LRMDA: variants seen among roughly 807,000 people sequenced by gnomAD.
LRMDA encodes leucine rich melanocyte differentiation associated.
LRMDA carries 18 observed loss-of-function variants against 29.8 expected under a neutral mutation model. The ratio of observed to expected loss-of-function variants is 0.60; its 90% CI spans 0.42 to 0.90. The LOEUF (loss-of-function observed/expected upper bound fraction) is 0.90. Ranked by LOEUF, LRMDA falls within the 40% of genes least tolerant of loss-of-function variation. The pLI, the probability that LRMDA is intolerant of heterozygous loss-of-function variation, is 0.00. For missense variants in LRMDA, 273 were observed against 273.9 expected, an observed-to-expected ratio of 1.00 and a Z score of 0.02; for synonymous variants, 125 against 109.4, an observed-to-expected ratio of 1.14 and a Z score of -0.89.
At chr10:76,071,766 A>T (rs1848880016) in intron 5 of LRMDA, among the ~76,000 whole-genome samples, 1 of 152,218 alleles carries the variant, frequency 6.6e-6, no homozygotes. Flanking sequence ...AAAGTGATTT[A>T]TGAGTGTGGT....
rs1843335158 is a variant in LRMDA at position 75,778,030 on chromosome 10, C to T, written c.132-257978C>T. 2.6e-5 allele frequency among the ~76,000 whole-genome samples: 4 copies of T among 151,910 alleles called. No individual in the cohort carries two copies. The South Asian group carries it at 8.3e-4, about 32-fold the overall frequency. On this transcript the variant is annotated intron_variant, in intron 2 of 6. Transcript: ENST00000611255. ...AATCTGATTCATTTCTGGGGAGATCCACCCTAGCCCCAGAGTAGAGATGAA... is the reference window on the plus strand; with the variant it reads ...AATCTGATTCATTTCTGGGGAGATCTACCCTAGCCCCAGAGTAGAGATGAA...
intron 6 of LRMDA, among the ~76,000 whole-genome samples, chr10:76,448,492 C>T (rs959437302): frequency 2.6e-5 from 4 of 152,124 alleles, no homozygotes; most frequent in Non-Finnish European, 4.4e-5. Context: ...CCAATGGTAG[C>T]GTAATCATTC....
intron 6 of LRMDA, among the ~76,000 whole-genome samples, chr10:76,506,551 G>A (rs1411484433): frequency 6.6e-6 from 1 of 151,924 alleles, no homozygotes; most frequent in African/African-American, 2.4e-5. Context: ...GCAGCTATCT[G>A]CTATCAAACA....
intron 6 of LRMDA, among the ~76,000 whole-genome samples, chr10:76,389,713 G>T (rs1841700695): frequency 6.7e-6 from 1 of 150,374 alleles, no homozygotes. Context: ...TCATATAAAT[G>T]AAATTAATAT....
intron 5 of LRMDA, among the ~76,000 whole-genome samples, chr10:76,159,240 T>G (rs1164031973): frequency 6.6e-6 from 1 of 152,190 alleles, no homozygotes; most frequent in East Asian, 1.9e-4. Flanking sequence ...GTATGGACCA[T>G]GTTTGGACCC....
intron 5 of LRMDA, among the ~76,000 whole-genome samples, chr10:76,212,308 G>A (rs770795426): frequency 6.7e-6 from 1 of 149,866 alleles, no homozygotes; most frequent in Non-Finnish European, 1.5e-5. Context: ...AAATGACCAA[G>A]TGCTAACTAT....
At chr10:75,954,335 C>G (rs772374890) in intron 2 of LRMDA, among the ~76,000 whole-genome samples, 3 of 152,104 alleles carry the variant, frequency 2.0e-5, no homozygotes, top group African/African-American at 7.2e-5. Flanking sequence ...AGGTCTATCC[C>G]GATGATAGGC....
At chr10:75,442,425 G>C (rs972737918) in intron 2 of LRMDA, among the ~76,000 whole-genome samples, 1 of 152,146 alleles carries the variant, frequency 6.6e-6, no homozygotes, top group South Asian at 2.1e-4. Flanking sequence ...GGGATCAATT[G>C]TTTTGTATAT....
At chr10:75,603,557 T>C (rs1036214430) in intron 2 of LRMDA, among the ~76,000 whole-genome samples, 3 of 152,172 alleles carry the variant, frequency 2.0e-5, no homozygotes, top group African/African-American at 7.2e-5. Context: ...ATAATTGTAT[T>C]AGGTTAGTGA....
chr10:75,553,677 C>G (rs755904882), intron 2 of LRMDA, among the ~76,000 whole-genome samples: 21 of 152,260 alleles, frequency 1.4e-4, no homozygotes, highest in Middle Eastern at 6.8e-3. Context: ...CAGAGGCAGA[C>G]ATATTTTGCT....
intron 5 of LRMDA, among the ~76,000 whole-genome samples, chr10:76,094,788 T>C (rs1849288740): frequency 6.6e-6 from 1 of 152,190 alleles, no homozygotes; most frequent in Non-Finnish European, 1.5e-5. Flanking sequence ...GTAACTACTA[T>C]TAAAATCATT....
intron 6 of LRMDA, among the ~76,000 whole-genome samples, chr10:76,515,548 C>T (rs569241798): frequency 3.9e-5 from 6 of 152,106 alleles, no homozygotes; most frequent in South Asian, 4.2e-4. Context: ...CTCTGTCACC[C>T]GGGCTGGAGT....
intron 2 of LRMDA, among the ~76,000 whole-genome samples, chr10:75,737,004 T>C (rs1017085808): frequency 1.3e-5 from 2 of 152,084 alleles, no homozygotes; most frequent in African/African-American, 4.8e-5. Context: ...CTTAAGGTTT[T>C]CCTAGAACCC....
In LRMDA at chr10:76,141,955, G is replaced by A. The variant is rs183002246; in HGVS notation, c.516+83172G>A. On this transcript the variant is annotated intron_variant, in intron 5 of 6. Coordinates refer to ENST00000611255, the MANE Select transcript of LRMDA (RefSeq NM_001305581.2). ...TGGATATCCTGTTTGAATCGTGGAT[G>A]CATTTACATGTTGCCCCCTTACCTA... Among the ~76,000 whole-genome samples the A allele has an allele frequency of 1.2e-4, 18 of 152,172 alleles. No homozygotes were observed. The East Asian group carries it at 3.3e-3, about 28-fold the overall frequency.
intron 5 of LRMDA, among the ~76,000 whole-genome samples, chr10:76,273,310 G>C (rs1023157702): frequency 1.4e-4 from 21 of 151,962 alleles, no homozygotes; most frequent in African/African-American, 4.8e-4. Flanking sequence ...GTTGAATTTT[G>C]TGTAAATATT....
intron 6 of LRMDA, among the ~76,000 whole-genome samples, chr10:76,356,820 G>A (rs1841246354): frequency 6.6e-6 from 1 of 152,074 alleles, no homozygotes; most frequent in Non-Finnish European, 1.5e-5. Context: ...TTCTTCTATG[G>A]TAAAGGAATT....
chr10:75,777,039 G>C (rs1049925964), intron 2 of LRMDA, among the ~76,000 whole-genome samples: 2 of 152,222 alleles, frequency 1.3e-5, no homozygotes, highest in African/African-American at 4.8e-5. Context: ...GGTGCCCTCT[G>C]CTTTTGATGG....
chr10:75,823,410 C>A (rs959952481), intron 2 of LRMDA, among the ~76,000 whole-genome samples: 2 of 152,056 alleles, frequency 1.3e-5, no homozygotes, highest in Admixed American at 6.6e-5. Flanking sequence ...CAATGAGATA[C>A]CATCTTCCAA....
chr10:75,435,034 T>C (rs1010757498), intron 1 of LRMDA, among the ~76,000 whole-genome samples: 5 of 152,246 alleles, frequency 3.3e-5, no homozygotes, highest in East Asian at 1.9e-4. Flanking sequence ...TAACTTGTTA[T>C]ATTTTCATTT....
Sources: gnomAD v4.1 joint callset for allele counts (sites outside exome capture counted in the v4.1 genomes callset) on GRCh38, gnomAD v4.1.1 for gene constraint, MANE v1.5 for transcripts, NCBI Gene and HGNC (gene_info 2026-07-23, HGNC 2026-07-21) for gene names.